Variants in STAG3 observed in about 807,000 individuals in gnomAD.
The protein encoded by STAG3 is STAG3 cohesin complex component, also known as cohesin subunit SA-3.
STAG3 carries 101 observed loss-of-function variants against 160.7 expected under a neutral mutation model. The ratio of observed to expected loss-of-function variants is 0.63; its 90% confidence interval spans 0.54 to 0.74. The LOEUF is 0.74. Ranked by LOEUF, STAG3 falls within the 30% of genes least tolerant of loss-of-function variation. The pLI is 0.00. For missense variants in STAG3, 1,188 were observed against 1,517.4 expected, an observed-to-expected ratio of 0.78 and a Z score of 3.61; for synonymous variants, 519 against 585.0, an observed-to-expected ratio of 0.89 and a Z score of 1.63.
chr7:100,202,486 C>T lies in STAG3; in HGVS notation c.2596C>T (p.Arg866Trp), dbSNP rs184298026. 56 of 1,614,028 alleles carry T rather than the reference C, an allele frequency of 3.5e-5. No homozygotes were observed. The Middle Eastern group carries it at 6.6e-4, about 19-fold the overall frequency. ...DSQEDHLQIE[R>W]LHQRRRLLAG... ...CCAGGAGGATCATTTACAGATAGAGCGGCTACACCAGCGGCGCCGCCTCCT... is the reference window on the plus strand; with the variant it reads ...CCAGGAGGATCATTTACAGATAGAGTGGCTACACCAGCGGCGCCGCCTCCT... Residue 866 changes from arginine to tryptophan, a missense_variant, in exon 25 of 34, where the codon CGG becomes TGG. Physicochemically the swap from Arg to Trp is moderately radical, Grantham distance 101. Coordinates refer to ENST00000615138, the MANE Select transcript of STAG3 (RefSeq NM_001282717.2).
intron 8 of STAG3, 127 bp downstream of exon 8, chr7:100,189,723 A>T (rs557492748): frequency 6.5e-5 from 71 of 1,096,388 alleles, no homozygotes; most frequent in Non-Finnish European, 8.5e-5. Context: ...CAATAGTTTC[A>T]TAGACCCATC....
At chr7:100,178,701 T>C (rs2117020180) in intron 1 of STAG3, among the ~76,000 whole-genome samples, 2 of 152,066 alleles carry the variant, frequency 1.3e-5, no homozygotes, top group Middle Eastern at 6.8e-3. Flanking sequence ...ACTGGGATTA[T>C]AGGCGGGAGC....
Position 100,180,681 on chromosome 7 carries a change from A to G in STAG3, c.116+9A>G. On this transcript the variant is annotated intron_variant, in intron 2 of 33. Coordinates refer to ENST00000615138, the MANE Select transcript of STAG3 (RefSeq NM_001282717.2). ...AACCATACCTCAGAGGGGTAAGTAG[A>G]TGTTGCATTGTGTGGCCACTTCCTG... 6.5e-7 allele frequency: 1 copy of G among 1,534,378 alleles called. No individual in the cohort carries two copies. The highest frequency in any genetic ancestry group is 2.2e-5 in the East Asian group (1 of 44,590).
At chr7:100,217,720 T>C (rs992677878), downstream of STAG3, among the ~76,000 whole-genome samples, 41 of 152,108 alleles carry the variant, frequency 2.7e-4, no homozygotes, top group East Asian at 4.4e-3. Context: ...CAGACAGGGG[T>C]CTTTACCTTT....
chr7:100,182,933 A>T, intron 4 of STAG3, 94 bp downstream of exon 4: 1 of 1,389,384 alleles, frequency 7.2e-7, no homozygotes, highest in Non-Finnish European at 1.0e-6. Flanking sequence ...TGAACATTTT[A>T]GTGAGTGTAA....
rs981051727 is a variant in STAG3 at position 100,213,667 on chromosome 7, G to T, written c.3601-68G>T. 8.3e-5 allele frequency: 134 copies of T among 1,611,612 alleles called. No homozygotes were observed. The African/African-American group carries it at 1.5e-3, about 18-fold the overall frequency. Reference sequence around the variant, plus strand: ...TCTTATGAGGCTGGGAAAGGAACTGGTTTTTTTATTTGCGAAGTGACAGGA... The same window carrying T: ...TCTTATGAGGCTGGGAAAGGAACTGTTTTTTTTATTTGCGAAGTGACAGGA... On this transcript the variant is annotated intron_variant, in intron 32 of 33. Transcript: ENST00000615138.
At position 100,204,101 on chromosome 7, in the gene STAG3, C is replaced by G; in HGVS notation, c.2781C>G (p.Ile927Met). ...RQIDRSHCSR[I>M]LLLSLKQLYT... ...TTGACCGAAGTCATTGTTCCCGAAT[C>G]CTGCTGCTGAGCCTCAAGCAGGTGC... Residue 927 changes from isoleucine to methionine, a missense_variant, in exon 26 of 34, where the codon ATC (isoleucine) becomes ATG (methionine). By Grantham distance (10) the Ile-to-Met change is conservative. This residue lies in a region of STAG3 where 647 missense variants were observed against 717.2 expected (regional missense o/e 0.90). Coordinates refer to ENST00000615138, the MANE Select transcript of STAG3 (RefSeq NM_001282717.2). 1 of 1,614,112 alleles carries G rather than the reference C, an allele frequency of 6.2e-7. No individual in the cohort carries two copies. The highest frequency in any genetic ancestry group is 8.5e-7 in the Non-Finnish European group (1 of 1,180,012).
Position 100,202,020 on chromosome 7 carries a change from G to A in STAG3, c.2373G>A (p.Val791=). Residue 791 remains valine, a synonymous_variant, in exon 23 of 34, where the codon GTG becomes GTA. Transcript: ENST00000615138. ...TCTGCCAGAGTTGCCTCTCAGATGT[G>A]GATACTGAGATCCAGGAGCAGGTGA... ...CELCQSCLSD[V]DTEIQEQAFV... 1 of 1,614,122 alleles carries A rather than the reference G, an allele frequency of 6.2e-7. No individual in the cohort carries two copies. Among genetic ancestry groups the A allele is most frequent in the Non-Finnish European group, 8.5e-7 (1 of 1,180,016 alleles).
chr7:100,204,906 A>G (rs777208901), intron 27 of STAG3, 99 bp from the exon 28 acceptor site: 47 of 1,569,422 alleles, frequency 3.0e-5, no homozygotes, highest in Non-Finnish European at 4.0e-5. Context: ...TTTGGAGACA[A>G]GCTGGGGACG....
In STAG3 at chr7:100,199,525, C is replaced by T; in HGVS notation, c.1574-16C>T. 6.3e-7 allele frequency: 1 copy of T among 1,588,302 alleles called. No individual in the cohort carries two copies. Among genetic ancestry groups the T allele is most frequent in the Middle Eastern group, 2.1e-4 (1 of 4,762 alleles). ...TAATCTTTGATTCTATGTTTTTGAT[C>T]CTCCTGGCACTCCAGACCTGGGTGA... On this transcript the variant is annotated splice_polypyrimidine_tract_variant and intron_variant, in intron 15 of 33. Coordinates refer to ENST00000615138, the MANE Select transcript of STAG3 (RefSeq NM_001282717.2).
At chr7:100,194,382 G>GGAGA (rs960199505) in intron 8 of STAG3, among the ~76,000 whole-genome samples, 1 of 152,056 alleles carries the variant, frequency 6.6e-6, no homozygotes, top group Non-Finnish European at 1.5e-5. Flanking sequence ...GGAGGCCTGA[G>GGAGA]GAGAGAGAGA....
At position 100,204,141 on chromosome 7, in the gene STAG3, A is replaced by T. The variant is rs754777975; in HGVS notation, c.2802+19A>T. The T allele has an allele frequency of 2.5e-6, 4 of 1,597,480 alleles. No individual in the cohort carries two copies. The highest frequency in any genetic ancestry group is 1.7e-5 in the Admixed American group (1 of 59,968). On this transcript the variant is annotated intron_variant, in intron 26 of 33. Transcript: ENST00000615138. ...CAAGCAGGTGCGCCCTTCTGCCTTG[A>T]GGACATGCCAGCCCTGTTGTCCCCA...
chr7:100,184,179 T>C (rs1799827590), intron 4 of STAG3, among the ~76,000 whole-genome samples: 1 of 151,986 alleles, frequency 6.6e-6, no homozygotes, highest in Non-Finnish European at 1.5e-5. Flanking sequence ...GGCATGAGAA[T>C]TACTTGAACT....
intron 32 of STAG3, chr7:100,212,810 G>C (rs115529197): frequency 6.6e-6 from 1 of 152,122 alleles, no homozygotes; most frequent in African/African-American, 2.4e-5. Context: ...CCAGCAACTC[G>C]GGAGGTGGAG....
At chr7:100,201,210 G>C in intron 20 of STAG3, 50 bp downstream of exon 20, 1 of 1,613,854 alleles carries the variant, frequency 6.2e-7, no homozygotes, top group Non-Finnish European at 8.5e-7. Context: ...GGTGTCTGTG[G>C]AGTTGGTTCC....
intron 16 of STAG3, 45 bp from the exon 17 acceptor site, chr7:100,200,191 G>C: frequency 3.4e-6 from 5 of 1,491,154 alleles, no homozygotes; most frequent in Non-Finnish European, 4.6e-6. Flanking sequence ...CCCTGCACCA[G>C]TGTTTCTTTA....
intron 15 of STAG3, 82 bp from the exon 16 acceptor site, chr7:100,199,458 AC>A (rs1200766502): frequency 6.4e-7 from 1 of 1,555,546 alleles, no homozygotes. Context: ...CAAGGCAGCA[AC>A]GGTGGCATCG....
rs761520241 is a variant in STAG3, at chr7:100,201,213, T to C, written c.2133-51T>C. On this transcript the variant is annotated intron_variant, in intron 20 of 33. Transcript: ENST00000615138. The stretch of plus-strand genomic sequence containing the variant: ...CCCGTTTTTACTGGTGTCTGTGGAG[T>C]TGGTTCCCTCTGTTCTTTTCCAGTA... 13 of 1,613,566 alleles carry C rather than the reference T, an allele frequency of 8.1e-6. No homozygotes were observed. The East Asian group carries it at 2.9e-4, about 36-fold the overall frequency.
chr7:100,191,642 TG>T (rs1309997532), intron 8 of STAG3, among the ~76,000 whole-genome samples: 77 of 152,344 alleles, frequency 5.1e-4, no homozygotes, highest in Non-Finnish European at 2.9e-5. Flanking sequence ...TAAATCTTTT[TG>T]TTGGTGGAGG....
Sources: gnomAD v4.1 joint callset for allele counts (sites outside exome capture counted in the v4.1 genomes callset) on GRCh38, gnomAD v4.1.1 for gene constraint, gnomAD v4.1.1 regional missense constraint, MANE v1.5 for transcripts, NCBI Gene and HGNC (gene_info 2026-07-23, HGNC 2026-07-21) for gene names.